The following TTLL11 variants were observed in gnomAD, a reference collection of about 807,000 sequenced individuals.
The protein encoded by TTLL11 is tubulin tyrosine ligase like 11, also known as tubulin polyglutamylase TTLL11.
In TTLL11, 42 loss-of-function variants were observed where a neutral mutation model predicts 51.7. The observed-to-expected ratio is 0.81, with a 90% CI of 0.64 to 1.05. The LOEUF (loss-of-function observed/expected upper bound fraction) is 1.05, where lower values mean the gene tolerates loss of function less well. Among genes scored for constraint, TTLL11 ranks in the 50% least tolerant of loss-of-function variants. The pLI, the probability that TTLL11 is intolerant of heterozygous loss-of-function variation, is 0.00. For missense variants in TTLL11, 799 were observed against 940.4 expected, an observed-to-expected ratio of 0.85 and a Z score of 1.97; for synonymous variants, 381 against 383.5, an observed-to-expected ratio of 0.99 and a Z score of 0.08.
chr9:121,914,133 T>C (rs7035606), intron 6 of TTLL11, among the ~76,000 whole-genome samples: 2 of 152,300 alleles, frequency 1.3e-5, no homozygotes, highest in Admixed American at 6.5e-5. Context: ...CCATAGTATA[T>C]GAAGGAGTTG....
chr9:122,007,757 C>T (rs1843696761), intron 3 of TTLL11, among the ~76,000 whole-genome samples: 2 of 152,086 alleles, frequency 1.3e-5, no homozygotes, highest in South Asian at 4.1e-4. Context: ...CAATAATAAC[C>T]GATTCAGGCA....
intron 8 of TTLL11, among the ~76,000 whole-genome samples, chr9:121,840,290 C>T (rs764911140): frequency 8.5e-5 from 13 of 152,218 alleles, no homozygotes; most frequent in Non-Finnish European, 1.8e-4. Context: ...GGGACCACCA[C>T]GTATCCTCGG....
intron 1 of TTLL11, among the ~76,000 whole-genome samples, chr9:122,085,701 A>G (rs1392738313): frequency 6.6e-6 from 1 of 152,238 alleles, no homozygotes; most frequent in Non-Finnish European, 1.5e-5. Flanking sequence ...AACAATCAAC[A>G]CTGAATACCT....
intron 3 of TTLL11, among the ~76,000 whole-genome samples, chr9:122,010,084 T>C (rs1468461778): frequency 6.6e-6 from 1 of 152,192 alleles, no homozygotes; most frequent in Non-Finnish European, 1.5e-5. Context: ...TTTCTTAACA[T>C]TATTTCATGT....
chr9:121,899,365 G>GTGTGTATATATATACATATATA (rs1226221957), intron 6 of TTLL11, among the ~76,000 whole-genome samples: 4 of 113,234 alleles, frequency 3.5e-5, no homozygotes, highest in African/African-American at 9.9e-5. Context: ...ATGTGTGTGT[G>GTGTGTATATATATACATATATA]TATATATATA....
At chr9:121,972,523 C>T (rs1202547334) in intron 6 of TTLL11, among the ~76,000 whole-genome samples, 1 of 152,274 alleles carries the variant, frequency 6.6e-6, no homozygotes, top group Non-Finnish European at 1.5e-5. Context: ...GGTAAACATT[C>T]TCAGCCGAGT....
chr9:122,086,951 T>C (rs1156491734), intron 1 of TTLL11, among the ~76,000 whole-genome samples: 1 of 152,228 alleles, frequency 6.6e-6, no homozygotes, highest in Non-Finnish European at 1.5e-5. Context: ...GTAATGATGA[T>C]AGTGATGATA....
chr9:122,013,224 C>A (rs1317165233), intron 3 of TTLL11, among the ~76,000 whole-genome samples: 1 of 152,184 alleles, frequency 6.6e-6, no homozygotes. Flanking sequence ...ACCCCAAACC[C>A]TTGCCTCACT....
chr9:122,079,077 C>T (rs966535876), intron 1 of TTLL11, among the ~76,000 whole-genome samples: 2 of 151,970 alleles, frequency 1.3e-5, no homozygotes, highest in Non-Finnish European at 2.9e-5. Context: ...CATATGTTTT[C>T]GTTTCTCTTG....
At chr9:121,943,427 G>T (rs1841563428) in intron 6 of TTLL11, among the ~76,000 whole-genome samples, 1 of 152,284 alleles carries the variant, frequency 6.6e-6, no homozygotes, top group South Asian at 2.1e-4. Flanking sequence ...ATGCAGGAAA[G>T]ACTCACCACT....
At chr9:121,973,081 C>T (rs1169210224) in intron 6 of TTLL11, among the ~76,000 whole-genome samples, 3 of 152,238 alleles carry the variant, frequency 2.0e-5, no homozygotes, top group Non-Finnish European at 4.4e-5. Flanking sequence ...ATGTACTCAA[C>T]ACCTACTTTG....
chr9:121,993,160 C>T (rs879208870), intron 3 of TTLL11, among the ~76,000 whole-genome samples: 3 of 152,036 alleles, frequency 2.0e-5, no homozygotes, highest in Non-Finnish European at 4.4e-5. Flanking sequence ...TTATTGGGTA[C>T]AGAGTTTCAG....
At chr9:121,936,332 C>T (rs942056514) in intron 6 of TTLL11, among the ~76,000 whole-genome samples, 3 of 151,538 alleles carry the variant, frequency 2.0e-5, no homozygotes, top group Admixed American at 6.6e-5. Context: ...GGCTCGATCA[C>T]TGCTCACTGC....
chr9:121,836,071 G>A (rs749574277), intron 8 of TTLL11, among the ~76,000 whole-genome samples: 17 of 152,342 alleles, frequency 1.1e-4, no homozygotes, highest in Non-Finnish European at 1.8e-4. Context: ...GTCAGGCACT[G>A]TGGTGAGTAC....
intron 1 of TTLL11, among the ~76,000 whole-genome samples, chr9:122,052,543 T>C (rs1845190760): frequency 6.6e-6 from 1 of 152,180 alleles, no homozygotes; most frequent in African/African-American, 2.4e-5. Flanking sequence ...TAGCAGGTGT[T>C]CAAAAAATGC....
At chr9:121,897,343 G>C (rs965527565) in intron 6 of TTLL11, among the ~76,000 whole-genome samples, 4 of 152,114 alleles carry the variant, frequency 2.6e-5, no homozygotes, top group African/African-American at 9.7e-5. Flanking sequence ...GTAGAACTGA[G>C]GCTCAAACCT....
At chr9:121,852,746 T>C (rs903406582) in intron 8 of TTLL11, among the ~76,000 whole-genome samples, 23 of 151,870 alleles carry the variant, frequency 1.5e-4, no homozygotes, top group African/African-American at 5.3e-4. Flanking sequence ...GAGGGGGAGG[T>C]TGAGCCGGCA....
At chr9:121,855,509 AC>A (rs1269746969) in intron 8 of TTLL11, among the ~76,000 whole-genome samples, 1 of 152,138 alleles carries the variant, frequency 6.6e-6, no homozygotes, top group Non-Finnish European at 1.5e-5. Context: ...GATCTGGTTA[AC>A]CCCTTCAGTG....
rs751816674 is a variant in TTLL11 at position 122,031,676 on chromosome 9, G to A, written c.693+47C>T. The A allele has an allele frequency of 2.5e-6, 4 of 1,597,592 alleles. No homozygotes were observed. The Admixed American group carries it at 5.1e-5, about 20-fold the overall frequency. On this transcript the variant is annotated intron_variant, in intron 3 of 8. Coordinates refer to ENST00000321582, the MANE Select transcript of TTLL11 (RefSeq NM_001139442.2). ...AGCACACAGGACCCAGGACACAGTT[G>A]CAAGCATAATATAATTCAGGGGTCA...
Sources: gnomAD v4.1 joint callset for allele counts (sites outside exome capture counted in the v4.1 genomes callset) on GRCh38, gnomAD v4.1.1 for gene constraint, MANE v1.5 for transcripts, NCBI Gene and HGNC (gene_info 2026-07-23, HGNC 2026-07-21) for gene names.